Variants in CACNA2D3 observed in about 807,000 individuals in gnomAD.
The protein encoded by CACNA2D3 is voltage-dependent calcium channel subunit alpha-2/delta-3.
Under a neutral mutation model 160.6 loss-of-function variants are expected in CACNA2D3, and 60 were observed. The ratio of observed to expected loss-of-function variants is 0.37; its 90% CI spans 0.30 to 0.46. The LOEUF is 0.46. Among genes scored for constraint, CACNA2D3 ranks in the 20% least tolerant of loss-of-function variants. CACNA2D3 has a pLI of 1.00. For synonymous variants in CACNA2D3, 558 were observed against 492.9 expected (o/e 1.13, Z -1.75); for missense variants, 1,205 against 1,365.0 (o/e 0.88, Z 1.85).
chr3:54,809,292 TTTCC>T (rs1157178671), intron 13 of CACNA2D3, among the ~76,000 whole-genome samples: 208 of 130,152 alleles, frequency 1.6e-3, no homozygotes, highest in Non-Finnish European at 2.4e-3. Flanking sequence ...TCTCTCTTTC[TTTCC>T]TTCCTTCCTT....
chr3:54,463,267 T>C (rs1700542768), intron 4 of CACNA2D3, among the ~76,000 whole-genome samples: 1 of 152,160 alleles, frequency 6.6e-6, no homozygotes, highest in Non-Finnish European at 1.5e-5. Context: ...GAGTTGCTCT[T>C]CTCGAGGAGT....
chr3:55,025,634 CAAA>C (rs10717273), intron 35 of CACNA2D3, among the ~76,000 whole-genome samples: 107 of 63,284 alleles, frequency 1.7e-3, no homozygotes, highest in African/African-American at 6.3e-3. Flanking sequence ...ACTCTATCTC[CAAA>C]AAAAAAAAAA....
chr3:54,526,929 G>C (rs1270874736), intron 5 of CACNA2D3, among the ~76,000 whole-genome samples: 1 of 152,220 alleles, frequency 6.6e-6, no homozygotes, highest in African/African-American at 2.4e-5. Flanking sequence ...GATCTCAGGT[G>C]ATCTGCCCAC....
rs948506856 is a variant in CACNA2D3 at position 55,073,596 on chromosome 3, A to G, written c.3100+39A>G. The G allele has an allele frequency of 3.3e-6, 5 of 1,510,440 alleles. No individual in the cohort carries two copies. The African/African-American group carries it at 5.5e-5, about 17-fold the overall frequency. 93.6% of individuals were successfully genotyped at this position (1,510,440 alleles called of 1,614,324 possible). A position where few individuals can be genotyped will look rare whatever the true frequency, so the allele number is the denominator to read the frequency against. The stretch of plus-strand genomic sequence containing the variant: ...TGCAGGTCCACTCACTACCACGGAA[A>G]CCAGTAAGGGGTATCAGTGGTAAGG... On this transcript the variant is annotated intron_variant, in intron 36 of 37. Transcript: ENST00000474759.
intron 35 of CACNA2D3, among the ~76,000 whole-genome samples, chr3:55,021,534 A>G (rs1156289103): frequency 6.6e-6 from 1 of 150,384 alleles, no homozygotes; most frequent in South Asian, 2.1e-4. Context: ...TTTTATATGT[A>G]TATAGATATA....
Position 55,018,270 on chromosome 3 carries a change from C to T in CACNA2D3, c.2940C>T (p.Arg980=). The change falls in exon 35 of 38, where the codon CGC becomes CGT. Residue 980 remains arginine, a synonymous_variant. Coordinates refer to ENST00000474759, the MANE Select transcript of CACNA2D3 (RefSeq NM_018398.3). ...AATATCCAGCATTCGTCTCTGAGCGCACCATCAAGGAGACTACAGGGAATA... is the reference window on the plus strand; with the variant it reads ...AATATCCAGCATTCGTCTCTGAGCGTACCATCAAGGAGACTACAGGGAATA... ...DTEYPAFVSE[R]TIKETTGNIA... The T allele has an allele frequency of 6.2e-7, 1 of 1,613,240 alleles. No homozygotes were observed. Among genetic ancestry groups the T allele is most frequent in the Non-Finnish European group, 8.5e-7 (1 of 1,179,468 alleles).
At chr3:54,126,755 G>T (rs543252651) in intron 2 of CACNA2D3, among the ~76,000 whole-genome samples, 2 of 152,312 alleles carry the variant, frequency 1.3e-5, no homozygotes, top group Admixed American at 1.3e-4. Context: ...TGGTGCTGGT[G>T]CGCCGCTGTA....
At chr3:54,695,266 C>G (rs1333387895) in intron 11 of CACNA2D3, among the ~76,000 whole-genome samples, 1 of 152,146 alleles carries the variant, frequency 6.6e-6, no homozygotes, top group Non-Finnish European at 1.5e-5. Context: ...GATCCACCTG[C>G]TACAGCCTCC....
rs1338699521 is a variant in CACNA2D3, at chr3:54,883,073, T to G, written c.1913-2208T>G. On this transcript the variant is annotated intron_variant, in intron 21 of 37. Transcript: ENST00000474759. ...TCTTGCTCTGTTGCTGAGGCTGGAGTGCAATGGTGTGATCTCAGCTCACTG... is the reference window on the plus strand; with the variant it reads ...TCTTGCTCTGTTGCTGAGGCTGGAGGGCAATGGTGTGATCTCAGCTCACTG... Among the ~76,000 whole-genome samples the G allele has an allele frequency of 4.6e-5, 7 of 152,170 alleles. No homozygotes were observed. In the East Asian group the frequency reaches 1.2e-3, roughly 25 times the overall value.
chr3:54,257,925 G>C (rs1391397784), intron 2 of CACNA2D3, among the ~76,000 whole-genome samples: 1 of 152,194 alleles, frequency 6.6e-6, no homozygotes, highest in Non-Finnish European at 1.5e-5. Flanking sequence ...ATAGTCCCTG[G>C]TTATTCAGTC....
intron 2 of CACNA2D3, among the ~76,000 whole-genome samples, chr3:54,205,048 G>A (rs1461884358): frequency 6.6e-6 from 1 of 152,094 alleles, no homozygotes; most frequent in Non-Finnish European, 1.5e-5. Context: ...TTCCCCATAA[G>A]TAGAATAAAA....
chr3:54,558,950 C>T (rs1223013704), intron 5 of CACNA2D3, among the ~76,000 whole-genome samples: 1 of 152,060 alleles, frequency 6.6e-6, no homozygotes, highest in Non-Finnish European at 1.5e-5. Context: ...ATCTAGCCTG[C>T]CTTGGAGGTC....
chr3:54,865,124 A>G (rs1699370693), intron 17 of CACNA2D3, among the ~76,000 whole-genome samples: 1 of 152,234 alleles, frequency 6.6e-6, no homozygotes, highest in Non-Finnish European at 1.5e-5. Flanking sequence ...ATTAGTTACT[A>G]CATTTTATAA....
chr3:54,540,980 C>T (rs916308557), intron 5 of CACNA2D3, among the ~76,000 whole-genome samples: 1 of 152,046 alleles, frequency 6.6e-6, no homozygotes, highest in African/African-American at 2.4e-5. Flanking sequence ...AATAGGTGTC[C>T]TTTTAAGAAA....
chr3:54,555,077 T>C (rs1416277632), intron 5 of CACNA2D3, among the ~76,000 whole-genome samples: 1 of 152,060 alleles, frequency 6.6e-6, no homozygotes, highest in African/African-American at 2.4e-5. Flanking sequence ...AGTTTCGCCA[T>C]GTTGGCCAGA....
At chr3:54,821,697 T>TTTCTTTCTTTCTTTCCTTCCTTCCTTCC in intron 14 of CACNA2D3, among the ~76,000 whole-genome samples, 1 of 84,142 alleles carries the variant, frequency 1.2e-5, no homozygotes, top group Non-Finnish European at 2.4e-5. Context: ...TCTTTCTTTC[T>TTTCTTTCTTTCTTTCCTTCCTTCCTTCC]TTCCTTCCTT....
intron 18 of CACNA2D3, among the ~76,000 whole-genome samples, chr3:54,877,643 T>C (rs1045605740): frequency 6.6e-6 from 1 of 152,204 alleles, no homozygotes; most frequent in African/African-American, 2.4e-5. Context: ...GTTTTTGTTA[T>C]GATTTAAGAC....
intron 31 of CACNA2D3, among the ~76,000 whole-genome samples, chr3:54,994,463 G>A (rs563004897): frequency 2.4e-4 from 37 of 152,252 alleles, no homozygotes; most frequent in African/African-American, 7.9e-4. Context: ...GAGACAGATT[G>A]GTTTGGACAA....
At chr3:54,862,897 CAATT>C (rs1699322258) in intron 17 of CACNA2D3, among the ~76,000 whole-genome samples, 1 of 152,218 alleles carries the variant, frequency 6.6e-6, no homozygotes, top group African/African-American at 2.4e-5. Context: ...AAACTAGAAT[CAATT>C]AGTTGTCCCT....
Sources: gnomAD v4.1 joint callset for allele counts (sites outside exome capture counted in the v4.1 genomes callset) on GRCh38, gnomAD v4.1.1 for gene constraint, MANE v1.5 for transcripts, NCBI Gene and HGNC (gene_info 2026-07-23, HGNC 2026-07-21) for gene names.